Variants in BBOX1 observed in about 807,000 individuals in gnomAD.
BBOX1 encodes the protein gamma-butyrobetaine dioxygenase.
In BBOX1, 35 loss-of-function variants were observed where a neutral mutation model predicts 41.6. The observed-to-expected ratio is 0.84, with a 90% confidence interval of 0.64 to 1.11. BBOX1 has a LOEUF of 1.11. Among genes scored for constraint, BBOX1 ranks in the 50% most tolerant of loss-of-function variants. The pLI is 0.00. For synonymous variants in BBOX1, 163 were observed against 154.7 expected (o/e 1.05, Z -0.40); for missense variants, 458 against 460.6 (o/e 0.99, Z 0.05).
At chr11:27,064,348 G>A (rs1217226832) in intron 4 of BBOX1, among the ~76,000 whole-genome samples, 5 of 152,042 alleles carry the variant, frequency 3.3e-5, no homozygotes. Context: ...ATTCCCAAGA[G>A]AGACTAATAA....
At chr11:27,065,802 TTGAG>T (rs1467705035) in intron 4 of BBOX1, among the ~76,000 whole-genome samples, 8 of 147,776 alleles carry the variant, frequency 5.4e-5, no homozygotes, top group Non-Finnish European at 1.1e-4. Flanking sequence ...TTTTAAATGC[TTGAG>T]TAAGAGGTAT....
chr11:27,052,455 T>C (rs1251416084), intron 2 of BBOX1, among the ~76,000 whole-genome samples: 1 of 152,072 alleles, frequency 6.6e-6, no homozygotes, highest in East Asian at 1.9e-4. Flanking sequence ...CATAACAGAA[T>C]GAAACCCAAA....
chr11:27,093,569 C>A (rs1858326958), intron 5 of BBOX1, among the ~76,000 whole-genome samples: 1 of 151,956 alleles, frequency 6.6e-6, no homozygotes, highest in South Asian at 2.1e-4. Flanking sequence ...ACACCAGGCA[C>A]CAAAGACATC....
intron 7 of BBOX1, among the ~76,000 whole-genome samples, chr11:27,121,681 A>G (rs534294990): frequency 6.6e-6 from 1 of 152,344 alleles, no homozygotes; most frequent in South Asian, 2.1e-4. Context: ...AGTCCAGAAT[A>G]AACCTGAGAC....
At chr11:27,103,394 G>C (rs1858737990) in intron 5 of BBOX1, among the ~76,000 whole-genome samples, 1 of 151,900 alleles carries the variant, frequency 6.6e-6, no homozygotes, top group South Asian at 2.1e-4. Flanking sequence ...CTGTTCCTTT[G>C]CTTTGGGCTT....
At chr11:27,127,222 T>C in intron 8 of BBOX1, 71 bp from the exon 9 acceptor site, 1 of 1,482,522 alleles carries the variant, frequency 6.7e-7, no homozygotes, top group Non-Finnish European at 9.3e-7. Flanking sequence ...GTGTTTTGCA[T>C]GTTACATTTT....
chr11:27,054,561 T>G (rs1213495806), intron 2 of BBOX1, among the ~76,000 whole-genome samples: 1 of 152,174 alleles, frequency 6.6e-6, no homozygotes, highest in Non-Finnish European at 1.5e-5. Context: ...TCTGTTTCAC[T>G]AAGTTTCCTC....
chr11:27,117,200 A>C (rs1330359864), intron 6 of BBOX1, among the ~76,000 whole-genome samples: 1 of 151,954 alleles, frequency 6.6e-6, no homozygotes, highest in Non-Finnish European at 1.5e-5. Context: ...GCAAATGAAA[A>C]TTTGGGCAAT....
intron 1 of BBOX1, 66 bp downstream of exon 1, chr11:27,041,094 TG>T (rs1449614768): frequency 3.3e-5 from 5 of 152,220 alleles, no homozygotes; most frequent in South Asian, 4.1e-4. Context: ...CATTGAGTCC[TG>T]GGGTTTTGTG....
At chr11:27,082,418 G>C (rs117782890) in intron 4 of BBOX1, among the ~76,000 whole-genome samples, 4,997 of 152,224 alleles carry the variant, frequency 0.033, 125 homozygotes, top group South Asian at 0.11. Context: ...TGTCATAGAG[G>C]AGAGTCACAA....
intron 2 of BBOX1, among the ~76,000 whole-genome samples, chr11:27,052,290 C>T (rs1174308448): frequency 6.6e-6 from 1 of 152,006 alleles, no homozygotes; most frequent in Admixed American, 6.6e-5. Context: ...CTTTTACTCC[C>T]ACAGTTCTTA....
chr11:27,055,245 A>T, intron 2 of BBOX1, 148 bp from the exon 3 acceptor site: 1 of 555,296 alleles, frequency 1.8e-6, no homozygotes, highest in Non-Finnish European at 3.2e-6. Flanking sequence ...TCACCAGAAC[A>T]AAGGTCCCAG....
intron 5 of BBOX1, among the ~76,000 whole-genome samples, chr11:27,096,453 T>C (rs1247764550): frequency 6.6e-6 from 1 of 151,968 alleles, no homozygotes; most frequent in African/African-American, 2.4e-5. Flanking sequence ...AGATTAAAAG[T>C]AAACTTTGCT....
chr11:27,110,534 C>A lies in BBOX1; in HGVS notation c.534-4918C>A, dbSNP rs991257308. On this transcript the variant is annotated intron_variant, in intron 5 of 8. Transcript: ENST00000263182. The stretch of plus-strand genomic sequence containing the variant: ...CACTAAACATACTCCGAACTCAAAA[C>A]CTTTTCACTTTGGGTTCTGCCTAAA... Among the ~76,000 whole-genome samples, 6 of 151,864 alleles carry A rather than the reference C, an allele frequency of 4.0e-5. No individual in the cohort carries two copies. In the East Asian group the frequency reaches 1.2e-3, roughly 29 times the overall value.
chr11:27,043,887 A>G (rs1048002671), intron 2 of BBOX1, among the ~76,000 whole-genome samples: 5 of 152,190 alleles, frequency 3.3e-5, no homozygotes, highest in Non-Finnish European at 5.9e-5. Flanking sequence ...CATTGTGAAC[A>G]GTGCTGTAAT....
intron 4 of BBOX1, among the ~76,000 whole-genome samples, chr11:27,068,846 T>C (rs1306666222): frequency 1.3e-5 from 2 of 152,128 alleles, no homozygotes; most frequent in African/African-American, 4.8e-5. Context: ...CCCCAATTTA[T>C]AGTTTTGTAT....
At chr11:27,083,151 GAC>G (rs1429227415) in intron 4 of BBOX1, among the ~76,000 whole-genome samples, 2 of 152,078 alleles carry the variant, frequency 1.3e-5, no homozygotes, top group African/African-American at 2.4e-5. Flanking sequence ...AGTGCACTCA[GAC>G]ACAATCTCAT....
chr11:27,110,028 TC>T (rs1859000395), intron 5 of BBOX1, among the ~76,000 whole-genome samples: 1 of 152,002 alleles, frequency 6.6e-6, no homozygotes, highest in Non-Finnish European at 1.5e-5. Context: ...AAATAGGACC[TC>T]CCCCACCTGG....
At chr11:27,123,512 G>A (rs568506606) in intron 7 of BBOX1, among the ~76,000 whole-genome samples, 2 of 152,102 alleles carry the variant, frequency 1.3e-5, no homozygotes, top group African/African-American at 2.4e-5. Context: ...ATCCCTTGGC[G>A]GATGACACAG....
Sources: gnomAD v4.1 joint callset for allele counts (sites outside exome capture counted in the v4.1 genomes callset) on GRCh38, gnomAD v4.1.1 for gene constraint, MANE v1.5 for transcripts, NCBI Gene and HGNC (gene_info 2026-07-23, HGNC 2026-07-21) for gene names.